PPP3CA: variants seen among roughly 807,000 people sequenced by gnomAD.
The protein encoded by PPP3CA is protein phosphatase 3 catalytic subunit alpha.
PPP3CA carries 14 observed loss-of-function variants against 66.5 expected under a neutral mutation model. That is an observed-to-expected ratio of 0.21 (90% CI 0.14 to 0.33). The LOEUF is 0.33. Among genes scored for constraint, PPP3CA ranks in the 10% least tolerant of loss-of-function variants. The pLI is 1.00. For missense variants in PPP3CA, 317 were observed against 639.5 expected, an observed-to-expected ratio of 0.50 and a Z score of 5.44; for synonymous variants, 232 against 226.2, an observed-to-expected ratio of 1.03 and a Z score of -0.23.
At chr4:101,277,375 G>A (rs531666681) in intron 1 of PPP3CA, among the ~76,000 whole-genome samples, 6 of 152,198 alleles carry the variant, frequency 3.9e-5, no homozygotes, top group East Asian at 1.9e-4. Flanking sequence ...GGGTTTTTGC[G>A]TGGACCTACA....
At chr4:101,054,697 C>G (rs556283502) in intron 10 of PPP3CA, among the ~76,000 whole-genome samples, 16 of 151,928 alleles carry the variant, frequency 1.1e-4, no homozygotes, top group Admixed American at 1.1e-3. Context: ...GTATTAGATA[C>G]GAAGAATTAT....
chr4:101,309,065 TAC>T (rs1728636060), intron 1 of PPP3CA, among the ~76,000 whole-genome samples: 1 of 152,060 alleles, frequency 6.6e-6, no homozygotes, highest in Non-Finnish European at 1.5e-5. Flanking sequence ...CTATTGAGGC[TAC>T]AGTGAGCCAT....
intron 10 of PPP3CA, among the ~76,000 whole-genome samples, chr4:101,045,203 A>G (rs966726412): frequency 6.6e-6 from 1 of 152,246 alleles, no homozygotes; most frequent in African/African-American, 2.4e-5. Flanking sequence ...CAATAGAAAT[A>G]TGAATGAGGC....
intron 2 of PPP3CA, among the ~76,000 whole-genome samples, chr4:101,147,383 A>G (rs1009334223): frequency 1.3e-5 from 2 of 152,224 alleles, no homozygotes; most frequent in African/African-American, 4.8e-5. Flanking sequence ...CAAAAATGTC[A>G]TGAATGAGAG....
chr4:101,185,550 C>T (rs1724384292), intron 2 of PPP3CA, among the ~76,000 whole-genome samples: 1 of 152,188 alleles, frequency 6.6e-6, no homozygotes, highest in Non-Finnish European at 1.5e-5. Context: ...CTAATTTTTA[C>T]TTCACCTCAC....
intron 1 of PPP3CA, among the ~76,000 whole-genome samples, chr4:101,208,986 C>T (rs953398315): frequency 6.6e-6 from 1 of 151,958 alleles, no homozygotes; most frequent in East Asian, 1.9e-4. Flanking sequence ...TAAATGGAAA[C>T]TATGTAAAAG....
chr4:101,252,468 G>A (rs1448321125), intron 1 of PPP3CA, among the ~76,000 whole-genome samples: 1 of 151,482 alleles, frequency 6.6e-6, no homozygotes, highest in African/African-American at 2.4e-5. Context: ...CCCTCAGTTG[G>A]TAAAAAAAAA....
chr4:101,337,066 T>C lies in PPP3CA; in HGVS notation c.58+9673A>G, dbSNP rs185950902. ...TTCCAGCTTCAAAATGCCATAATTT[T>C]AGGCTTAGACTATTCTTCAGCACAC... On this transcript the variant is annotated intron_variant, in intron 1 of 13. Transcript: ENST00000394854. Among the ~76,000 whole-genome samples the C allele has an allele frequency of 2.3e-4, 35 of 152,320 alleles. 1 individual carries two copies. The highest frequency in any genetic ancestry group is 7.0e-4 in the African/African-American group (29 of 41,570).
intron 2 of PPP3CA, among the ~76,000 whole-genome samples, chr4:101,193,023 G>A (rs1724659656): frequency 6.6e-6 from 1 of 152,168 alleles, no homozygotes; most frequent in Non-Finnish European, 1.5e-5. Flanking sequence ...AACACATTTT[G>A]GTTTTAAATT....
intron 1 of PPP3CA, among the ~76,000 whole-genome samples, chr4:101,261,859 C>T (rs1393316349): frequency 6.6e-6 from 1 of 151,582 alleles, no homozygotes; most frequent in African/African-American, 2.4e-5. Flanking sequence ...CCTCTCCCCC[C>T]ACCCAAAAAA....
chr4:101,059,070 G>A (rs1728349526), intron 10 of PPP3CA, among the ~76,000 whole-genome samples: 1 of 152,020 alleles, frequency 6.6e-6, no homozygotes, highest in Non-Finnish European at 1.5e-5. Flanking sequence ...ATAGTGAAAG[G>A]TACATACTGA....
rs1367614083 is a variant in PPP3CA, at chr4:101,190,849, C to CA, written c.259+5066dup. 1.2e-4 allele frequency among the ~76,000 whole-genome samples: 18 copies of CA among 152,232 alleles called. No homozygotes were observed. In the East Asian group the frequency reaches 3.5e-3, roughly 29 times the overall value. ...AATATAATAAATTATAATCAACAGT[C>CA]AAAATAATTTATTTCTTCTACTTCT... On this transcript the variant is annotated intron_variant, in intron 2 of 13. Coordinates refer to ENST00000394854, the MANE Select transcript of PPP3CA (RefSeq NM_000944.5).
intron 2 of PPP3CA, among the ~76,000 whole-genome samples, chr4:101,173,524 A>T (rs904757814): frequency 6.6e-6 from 1 of 152,168 alleles, no homozygotes; most frequent in African/African-American, 2.4e-5. Context: ...CTACACACTT[A>T]TTCTTATCCA....
chr4:101,080,030 A>T (rs777229627), intron 8 of PPP3CA, among the ~76,000 whole-genome samples: 1 of 152,160 alleles, frequency 6.6e-6, no homozygotes, highest in Non-Finnish European at 1.5e-5. Flanking sequence ...TTTACCTTGA[A>T]GTTTACTTTT....
At chr4:101,120,263 T>A (rs1234261958) in intron 2 of PPP3CA, among the ~76,000 whole-genome samples, 1 of 152,090 alleles carries the variant, frequency 6.6e-6, no homozygotes, top group Non-Finnish European at 1.5e-5. Context: ...AAAAGATGAA[T>A]AAACACTGAA....
At chr4:101,344,956 T>C (rs994861698) in intron 1 of PPP3CA, among the ~76,000 whole-genome samples, 9 of 152,230 alleles carry the variant, frequency 5.9e-5, no homozygotes, top group Non-Finnish European at 1.0e-4. Flanking sequence ...CATTCTCTGA[T>C]ATTTCTGCAA....
chr4:101,054,946 G>A (rs567591224), intron 10 of PPP3CA, among the ~76,000 whole-genome samples: 20 of 152,150 alleles, frequency 1.3e-4, no homozygotes, highest in Non-Finnish European at 2.5e-4. Context: ...AACTATATTT[G>A]GCTTGAAATG....
chr4:101,273,742 G>T (rs1184359573), intron 1 of PPP3CA, among the ~76,000 whole-genome samples: 1 of 151,918 alleles, frequency 6.6e-6, no homozygotes, highest in Non-Finnish European at 1.5e-5. Flanking sequence ...ATCCTCTAAG[G>T]TCAGAATGAA....
chr4:101,139,692 T>G (rs1382050212), intron 2 of PPP3CA, among the ~76,000 whole-genome samples: 3 of 141,330 alleles, frequency 2.1e-5, no homozygotes, highest in Admixed American at 7.7e-5. Flanking sequence ...AGGGTTTTTT[T>G]TGTGTTTTTT....
Sources: gnomAD v4.1 joint callset for allele counts (sites outside exome capture counted in the v4.1 genomes callset) on GRCh38, gnomAD v4.1.1 for gene constraint, MANE v1.5 for transcripts, NCBI Gene and HGNC (gene_info 2026-07-23, HGNC 2026-07-21) for gene names.